The following DOK6 variants were observed in gnomAD, a reference collection of about 807,000 sequenced individuals.
DOK6 encodes docking protein 6, also known as downstream of tyrosine kinase 6.
DOK6 carries 22 observed loss-of-function variants against 44.0 expected under a neutral mutation model. The observed-to-expected ratio is 0.50, with a 90% confidence interval of 0.36 to 0.71. The LOEUF is 0.71. Among genes scored for constraint, DOK6 ranks in the 30% least tolerant of loss-of-function variants. The probability of loss-of-function intolerance (pLI) is 0.00; values close to 1 mark genes in which losing one functional copy is unlikely to be tolerated. For missense variants in DOK6, 340 were observed against 416.4 expected, an observed-to-expected ratio of 0.82 and a Z score of 1.60; for synonymous variants, 166 against 145.5, an observed-to-expected ratio of 1.14 and a Z score of -1.01.
chr18:69,834,073 G>T (rs918696468), intron 7 of DOK6, among the ~76,000 whole-genome samples: 1 of 152,190 alleles, frequency 6.6e-6, no homozygotes, highest in Non-Finnish European at 1.5e-5. Flanking sequence ...GGAGGTATTT[G>T]CATTCCCATG....
intron 1 of DOK6, among the ~76,000 whole-genome samples, chr18:69,512,342 T>A (rs1188358432): frequency 7.1e-6 from 1 of 141,160 alleles, no homozygotes; most frequent in Non-Finnish European, 1.5e-5. Flanking sequence ...CTTTTTTTTT[T>A]TTTTTTTTTT....
At chr18:69,567,001 A>T (rs546626677) in intron 2 of DOK6, among the ~76,000 whole-genome samples, 1 of 152,334 alleles carries the variant, frequency 6.6e-6, no homozygotes, top group African/African-American at 2.4e-5. Flanking sequence ...GAGCTAAGGA[A>T]AATGCCAACT....
chr18:69,751,215 T>A (rs949153855), intron 6 of DOK6, among the ~76,000 whole-genome samples: 2 of 152,222 alleles, frequency 1.3e-5, no homozygotes, highest in East Asian at 1.9e-4. Context: ...AGTAATGCTG[T>A]ATTGTACATT....
At chr18:69,431,134 A>G (rs533949281) in intron 1 of DOK6, among the ~76,000 whole-genome samples, 1 of 152,322 alleles carries the variant, frequency 6.6e-6, no homozygotes, top group African/African-American at 2.4e-5. Context: ...ACTAAGGAAA[A>G]GAGATAGTTA....
chr18:69,410,093 T>G (rs1978299769), intron 1 of DOK6, among the ~76,000 whole-genome samples: 3 of 152,234 alleles, frequency 2.0e-5, no homozygotes, highest in African/African-American at 7.2e-5. Context: ...ACCAATTTTA[T>G]GTATAAGTAT....
At chr18:69,580,767 G>T (rs1352498550) in intron 2 of DOK6, among the ~76,000 whole-genome samples, 5 of 151,998 alleles carry the variant, frequency 3.3e-5, no homozygotes, top group African/African-American at 1.2e-4. Context: ...CAGAACACTA[G>T]AACTTATTCC....
chr18:69,811,438 G>C (rs1981221473), intron 7 of DOK6, among the ~76,000 whole-genome samples: 1 of 150,728 alleles, frequency 6.6e-6, no homozygotes, highest in Admixed American at 6.6e-5. Flanking sequence ...AAATTGCTGA[G>C]AGTGGATTTT....
chr18:69,460,710 C>T (rs1345500300), intron 1 of DOK6, among the ~76,000 whole-genome samples: 1 of 152,130 alleles, frequency 6.6e-6, no homozygotes, highest in African/African-American at 2.4e-5. Flanking sequence ...TGCAACTAAA[C>T]CACTGAATAT....
At chr18:69,402,298 T>C (rs910054479) in intron 1 of DOK6, among the ~76,000 whole-genome samples, 4 of 152,192 alleles carry the variant, frequency 2.6e-5, no homozygotes, top group Admixed American at 2.6e-4. Flanking sequence ...CTTCCAGTTC[T>C]ACCAAGCTCC....
intron 5 of DOK6, among the ~76,000 whole-genome samples, chr18:69,700,090 C>T (rs1045996387): frequency 6.6e-6 from 1 of 151,744 alleles, no homozygotes; most frequent in Non-Finnish European, 1.5e-5. Flanking sequence ...AGGAACTGCC[C>T]CCATGATTCA....
At chr18:69,403,570 T>C (rs1208960056) in intron 1 of DOK6, among the ~76,000 whole-genome samples, 4 of 152,252 alleles carry the variant, frequency 2.6e-5, no homozygotes, top group Non-Finnish European at 1.5e-5. Context: ...ACCTGAGAAA[T>C]GTAAACTTCA....
intron 1 of DOK6, among the ~76,000 whole-genome samples, chr18:69,512,322 C>G (rs975598158): frequency 2.6e-5 from 3 of 116,236 alleles, no homozygotes; most frequent in Non-Finnish European, 5.3e-5. Flanking sequence ...TTCGTCTTTG[C>G]TTTCTTCTTC....
intron 5 of DOK6, among the ~76,000 whole-genome samples, chr18:69,712,237 C>T (rs1333911041): frequency 4.0e-5 from 5 of 123,844 alleles, no homozygotes; most frequent in East Asian, 2.5e-4. Flanking sequence ...GCCGAGATCC[C>T]GCCACTGCAC....
chr18:69,704,501 C>T (rs1197520745), intron 5 of DOK6, among the ~76,000 whole-genome samples: 1 of 92,988 alleles, frequency 1.1e-5, no homozygotes, highest in Non-Finnish European at 2.1e-5. Flanking sequence ...TTTTTGGAGA[C>T]GGAGCCTTGC....
At chr18:69,739,169 G>C (rs745453550) in intron 6 of DOK6, 66 bp downstream of exon 6, 20 of 1,589,662 alleles carry the variant, frequency 1.3e-5, no homozygotes, top group Non-Finnish European at 1.7e-5. Flanking sequence ...GATGTACACT[G>C]TGTATGTGTG....
intron 3 of DOK6, among the ~76,000 whole-genome samples, chr18:69,629,776 T>C (rs1346665496): frequency 6.6e-6 from 1 of 150,908 alleles, no homozygotes; most frequent in Admixed American, 6.6e-5. Context: ...TGGGTTTTTG[T>C]TTGTTTGTTT....
At chr18:69,539,879 T>C (rs1172061519) in intron 1 of DOK6, among the ~76,000 whole-genome samples, 2 of 152,076 alleles carry the variant, frequency 1.3e-5, no homozygotes, top group African/African-American at 4.8e-5. Context: ...GTACTATAAA[T>C]AAATACCCGG....
At chr18:69,695,765 A>C (rs969905978) in intron 4 of DOK6, among the ~76,000 whole-genome samples, 1 of 152,202 alleles carries the variant, frequency 6.6e-6, no homozygotes, top group South Asian at 2.1e-4. Context: ...GAGAGAATAG[A>C]TTTTGAATAT....
intron 6 of DOK6, among the ~76,000 whole-genome samples, chr18:69,749,255 T>A (rs771165779): frequency 3.9e-5 from 6 of 152,114 alleles, no homozygotes; most frequent in Non-Finnish European, 8.8e-5. Context: ...GCACACAGTT[T>A]ACCTATATAA....
Sources: gnomAD v4.1 joint callset for allele counts (sites outside exome capture counted in the v4.1 genomes callset) on GRCh38, gnomAD v4.1.1 for gene constraint, MANE v1.5 for transcripts, NCBI Gene and HGNC (gene_info 2026-07-23, HGNC 2026-07-21) for gene names.